Variants in PRKD3 observed in about 807,000 individuals in gnomAD.
The protein encoded by PRKD3 is protein kinase D3.
In PRKD3, 47 loss-of-function variants were observed where a neutral mutation model predicts 99.2. The ratio of observed to expected loss-of-function variants is 0.47; its 90% CI spans 0.38 to 0.60. PRKD3 has a LOEUF of 0.60. Ranked by LOEUF, PRKD3 falls within the 20% of genes least tolerant of loss-of-function variation. PRKD3 has a pLI of 0.00. For missense variants in PRKD3, 1,019 were observed against 1,088.4 expected (o/e 0.94, Z 0.90); for synonymous variants, 392 against 355.4 (o/e 1.10, Z -1.16).
intron 9 of PRKD3, among the ~76,000 whole-genome samples, chr2:37,276,858 T>A (rs1355649976): frequency 1.3e-5 from 2 of 150,904 alleles, no homozygotes; most frequent in African/African-American, 2.4e-5. Flanking sequence ...ATAACTTTAT[T>A]TTTTTCAAAA....
chr2:37,304,158 C>T (rs1671055563), intron 2 of PRKD3, among the ~76,000 whole-genome samples: 1 of 149,548 alleles, frequency 6.7e-6, no homozygotes, highest in Admixed American at 6.7e-5. Context: ...CATGTTCCTC[C>T]TGAATCCCCA....
At position 37,289,531 on chromosome 2, in the gene PRKD3, G is replaced by A. The variant is rs760819946; in HGVS notation, c.560-18C>T. 2 of 1,571,570 alleles carry A rather than the reference G, an allele frequency of 1.3e-6. No homozygotes were observed. The highest frequency in any genetic ancestry group is 1.7e-6 in the Non-Finnish European group (2 of 1,157,554). On this transcript the variant is annotated intron_variant, in intron 4 of 18. Transcript: ENST00000234179. ...TCCACAGCCTAAACATATTTTACAA[G>A]GTAAAATATAAGATTTAAAAAAAAA...
chr2:37,318,844 T>C (rs1671766538), intron 1 of PRKD3, among the ~76,000 whole-genome samples: 1 of 152,196 alleles, frequency 6.6e-6, no homozygotes, highest in Admixed American at 6.5e-5. Context: ...CCTGGAGATT[T>C]GTAGAGCGGT....
chr2:37,260,694 T>G (rs1020486298), intron 14 of PRKD3, among the ~76,000 whole-genome samples: 1 of 152,196 alleles, frequency 6.6e-6, no homozygotes, highest in Admixed American at 6.5e-5. Flanking sequence ...ATTTCATGCT[T>G]TCCCTGAATA....
chr2:37,260,040 C>T (rs1024776630), intron 15 of PRKD3, among the ~76,000 whole-genome samples, 183 bp downstream of exon 15: 4 of 151,990 alleles, frequency 2.6e-5, no homozygotes, highest in Non-Finnish European at 5.9e-5. Flanking sequence ...TGGCACACAT[C>T]TGCAATCCTA....
chr2:37,255,342 T>C (rs1374058135), intron 17 of PRKD3, among the ~76,000 whole-genome samples: 1 of 152,238 alleles, frequency 6.6e-6, no homozygotes, highest in African/African-American at 2.4e-5. Context: ...TTACATGGGC[T>C]GGTTAAATCC....
chr2:37,308,973 T>A (rs1191604467), intron 2 of PRKD3, among the ~76,000 whole-genome samples: 2 of 152,174 alleles, frequency 1.3e-5, no homozygotes, highest in African/African-American at 4.8e-5. Context: ...TTTTTCAGAT[T>A]TTTAAATTAA....
chr2:37,259,733 C>T, intron 15 of PRKD3, 52 bp from the exon 16 acceptor site: 2 of 1,194,756 alleles, frequency 1.7e-6, no homozygotes, highest in South Asian at 1.3e-5. Context: ...ACAAGTAAAC[C>T]TCATGTGACT....
chr2:37,258,075 C>T (rs530981374), intron 16 of PRKD3, among the ~76,000 whole-genome samples: 2 of 152,266 alleles, frequency 1.3e-5, no homozygotes, highest in African/African-American at 4.8e-5. Context: ...GCTGAACAAG[C>T]AAATGCCAGG....
At chr2:37,272,794 C>G (rs112245069) in intron 11 of PRKD3, among the ~76,000 whole-genome samples, 1 of 152,062 alleles carries the variant, frequency 6.6e-6, no homozygotes, top group Non-Finnish European at 1.5e-5. Context: ...TTGAGACCAC[C>G]TGGGCTACAG....
chr2:37,302,586 A>G (rs1364435403), intron 2 of PRKD3, among the ~76,000 whole-genome samples: 1 of 152,272 alleles, frequency 6.6e-6, no homozygotes, highest in Non-Finnish European at 1.5e-5. Flanking sequence ...TCATGTCGTT[A>G]AAATGCTGTC....
At chr2:37,256,996 TATA>T in intron 16 of PRKD3, 67 bp from the exon 17 acceptor site, 1 of 1,490,932 alleles carries the variant, frequency 6.7e-7, no homozygotes. Flanking sequence ...TGTCCCTAAA[TATA>T]ACACTGTATG....
At chr2:37,296,899 CAA>C (rs748730644) in intron 2 of PRKD3, among the ~76,000 whole-genome samples, 2 of 48,106 alleles carry the variant, frequency 4.2e-5, no homozygotes, top group South Asian at 6.7e-4. Flanking sequence ...GACTCTGTCT[CAA>C]AAAAAAAAAA....
At chr2:37,320,214 T>C (rs151056511) in intron 1 of PRKD3, among the ~76,000 whole-genome samples, 28 of 152,288 alleles carry the variant, frequency 1.8e-4, no homozygotes, top group Non-Finnish European at 4.0e-4. Flanking sequence ...TAGTAAGTGA[T>C]AGAAATGAGA....
At chr2:37,295,031 C>T (rs1358195506) in intron 2 of PRKD3, among the ~76,000 whole-genome samples, 2 of 152,156 alleles carry the variant, frequency 1.3e-5, no homozygotes, top group Admixed American at 6.5e-5. Context: ...GCCAAGATTG[C>T]ACAACTGCAC....
rs1351314762 is a variant in PRKD3, at chr2:37,289,061, CAAAAATTAAAAA to C, written c.717+283_717+294del. On this transcript the variant is annotated intron_variant, in intron 5 of 18. Transcript: ENST00000234179. The stretch of plus-strand genomic sequence containing the variant: ...AGAGCAAGACTCCATCTCAAAAAAA[CAAAAATTAAAAA>C]AAAAATTAAAAAAAAAAAAGATTTA... 5.8e-3 allele frequency among the ~76,000 whole-genome samples: 756 copies of C among 130,658 alleles called. 8 individuals carry two copies. The highest frequency in any genetic ancestry group is 0.019 in the African/African-American group (689 of 35,472). 85.7% of individuals were successfully genotyped at this position (130,658 alleles called of 152,430 possible).
At position 37,253,298 on chromosome 2, in the gene PRKD3, C is replaced by T. The variant is rs1205229960; in HGVS notation, c.2552G>A (p.Arg851His). The T allele has an allele frequency of 3.7e-6, 6 of 1,612,920 alleles. No homozygotes were observed. Among genetic ancestry groups the T allele is most frequent in the African/African-American group, 2.7e-5 (2 of 74,888 alleles). ...LREFETRIGE[R>H]YITHESDDAR... is the part of the protein sequence containing the mutation. ...ATCATCACTTTCATGTGTAATGTAA[C>T]GTTCTCCAATGCGAGTTTCAAATTC... The change falls in exon 19 of 19, where the codon CGT becomes CAT. Residue 851 changes from arginine to histidine, a missense_variant. This residue lies in a region of PRKD3 where 125 missense variants were observed against 120.6 expected (regional missense o/e 1.04). Transcript: ENST00000234179.
At chr2:37,314,333 A>G (rs931787480) in intron 2 of PRKD3, among the ~76,000 whole-genome samples, 1 of 152,196 alleles carries the variant, frequency 6.6e-6, no homozygotes, top group Non-Finnish European at 1.5e-5. Flanking sequence ...TCCACAATCA[A>G]TAACTATTTT....
At chr2:37,296,182 A>G (rs1670667036) in intron 2 of PRKD3, among the ~76,000 whole-genome samples, 1 of 152,240 alleles carries the variant, frequency 6.6e-6, no homozygotes, top group Non-Finnish European at 1.5e-5. Context: ...CCAAACCAGA[A>G]GTTCTGAATA....
Sources: allele counts gnomAD v4.1 joint callset (sites outside exome capture counted in the v4.1 genomes callset), GRCh38; gene constraint gnomAD v4.1.1; regional missense constraint gnomAD v4.1.1; transcripts MANE v1.5; gene names NCBI Gene and HGNC (gene_info 2026-07-23, HGNC 2026-07-21).